LGSN: variants seen among roughly 807,000 people sequenced by gnomAD.
LGSN encodes the protein lengsin.
In LGSN, 21 loss-of-function variants were observed where a neutral mutation model predicts 19.5. The observed-to-expected ratio is 1.07, with a 90% CI of 0.76 to 1.55. The LOEUF (loss-of-function observed/expected upper bound fraction) is 1.55, where lower values mean the gene tolerates loss of function less well. Among genes scored for constraint, LGSN ranks in the 40% most tolerant of loss-of-function variants. The pLI is 0.00. For missense variants in LGSN, 673 were observed against 608.5 expected, an observed-to-expected ratio of 1.11 and a Z score of -1.12; for synonymous variants, 257 against 215.6, an observed-to-expected ratio of 1.19 and a Z score of -1.68.
the LGSN span, chr6:63,441,324 G>A: frequency 7.9e-4 from 374 of 471,610 alleles, 4 homozygotes; most frequent in East Asian, 0.02. Context: ...GGGCCGTTTG[G>A]TCAACCTCCA....
chr6:63,548,821 A>C, the LGSN span: 1 of 749,138 alleles, frequency 1.3e-6, no homozygotes, highest in Non-Finnish European at 2.4e-6. Flanking sequence ...ATCTCATTGT[A>C]TCTGTCATTG....
chr6:63,313,466 T>C (rs1200792586), intron 1 of LGSN, among the ~76,000 whole-genome samples: 1 of 152,202 alleles, frequency 6.6e-6, no homozygotes, highest in African/African-American at 2.4e-5. Context: ...ACAGAAAATA[T>C]GTCTACCAGG....
the LGSN span, among the ~76,000 whole-genome samples, chr6:63,330,577 G>A: frequency 2.0e-5 from 3 of 152,224 alleles, no homozygotes; most frequent in Admixed American, 2.0e-4. Context: ...GAGGAAGGCA[G>A]AAGGATTTTC....
the LGSN span, among the ~76,000 whole-genome samples, chr6:63,507,160 A>G: frequency 6.6e-6 from 1 of 152,174 alleles, no homozygotes; most frequent in African/African-American, 2.4e-5. Context: ...TTCTTTTCAC[A>G]ACTGTCCCTC....
chr6:63,488,116 GC>G, the LGSN span, among the ~76,000 whole-genome samples: 23 of 152,128 alleles, frequency 1.5e-4, no homozygotes, highest in Non-Finnish European at 2.1e-4. Context: ...ATATCCAGCT[GC>G]TTTTCTGACA....
chr6:63,287,301 A>G (rs1767577809), intron 2 of LGSN, among the ~76,000 whole-genome samples: 1 of 152,258 alleles, frequency 6.6e-6, no homozygotes, highest in African/African-American at 2.4e-5. Flanking sequence ...ATTTCATGCT[A>G]AATTAACCTT....
intron 1 of LGSN, among the ~76,000 whole-genome samples, chr6:63,298,428 A>G (rs1768061479): frequency 6.6e-6 from 1 of 152,224 alleles, no homozygotes; most frequent in Admixed American, 6.5e-5. Flanking sequence ...GGTTAGACAA[A>G]CTGGCAGTAA....
chr6:63,367,762 T>C, the LGSN span, among the ~76,000 whole-genome samples: 44 of 150,356 alleles, frequency 2.9e-4, no homozygotes, highest in African/African-American at 1.1e-3. Context: ...TATGCAGCCA[T>C]AAAAAAGGAT....
chr6:63,391,843 A>T, the LGSN span, among the ~76,000 whole-genome samples: 2 of 152,144 alleles, frequency 1.3e-5, no homozygotes, highest in East Asian at 1.9e-4. Context: ...GCAGAGAAAC[A>T]CTCAGCTGTC....
the LGSN span, among the ~76,000 whole-genome samples, chr6:63,365,966 A>G: frequency 1.3e-5 from 2 of 152,166 alleles, no homozygotes; most frequent in Non-Finnish European, 2.9e-5. Flanking sequence ...TTTATGACAA[A>G]CCCACAGCCA....
chr6:63,478,072 CAAAAT>C, the LGSN span, among the ~76,000 whole-genome samples: 4 of 151,726 alleles, frequency 2.6e-5, no homozygotes, highest in Admixed American at 6.6e-5. Flanking sequence ...AGGGAAAAAA[CAAAAT>C]AAAAGAAGAA....
At chr6:63,433,120 A>T in the LGSN span, among the ~76,000 whole-genome samples, 2 of 152,042 alleles carry the variant, frequency 1.3e-5, no homozygotes, top group African/African-American at 4.8e-5. Context: ...ACCCCCATGT[A>T]TAAGCCTGTC....
chr6:63,391,480 G>A, the LGSN span, among the ~76,000 whole-genome samples: 20 of 152,244 alleles, frequency 1.3e-4, no homozygotes, highest in South Asian at 1.9e-3. Flanking sequence ...CTTGTAAGTG[G>A]GTTGATTTCA....
chr6:63,427,853 A>G, the LGSN span, among the ~76,000 whole-genome samples: 1 of 152,208 alleles, frequency 6.6e-6, no homozygotes, highest in African/African-American at 2.4e-5. Context: ...AATCTAAGAT[A>G]ATCAGTTTAC....
the LGSN span, among the ~76,000 whole-genome samples, chr6:63,431,939 G>A: frequency 2.6e-5 from 4 of 151,700 alleles, no homozygotes; most frequent in Admixed American, 1.3e-4. Flanking sequence ...AGTTGGGCGT[G>A]GTGGTGGGCA....
the LGSN span, among the ~76,000 whole-genome samples, chr6:63,477,248 T>A: frequency 2.5e-3 from 376 of 152,338 alleles, 3 homozygotes; most frequent in Non-Finnish European, 1.3e-3. Context: ...AGATTTTGCT[T>A]TGTTACATGC....
At chr6:63,506,844 C>G in the LGSN span, among the ~76,000 whole-genome samples, 8 of 152,110 alleles carry the variant, frequency 5.3e-5, no homozygotes, top group Non-Finnish European at 5.9e-5. Context: ...CTGGTTTGCC[C>G]ACAAATATCT....
the LGSN span, among the ~76,000 whole-genome samples, chr6:63,410,022 G>A: frequency 2.0e-5 from 3 of 151,998 alleles, no homozygotes; most frequent in Non-Finnish European, 4.4e-5. Context: ...GGGCAAAAGA[G>A]CAAGACTCCA....
the LGSN span, among the ~76,000 whole-genome samples, chr6:63,518,259 C>A: frequency 1.3e-5 from 2 of 151,910 alleles, no homozygotes; most frequent in East Asian, 3.9e-4. Context: ...CAGAGCACAT[C>A]TTAGATTGCT....
Sources: gnomAD v4.1 joint callset for allele counts (sites outside exome capture counted in the v4.1 genomes callset) on GRCh38, gnomAD v4.1.1 for gene constraint, MANE v1.5 for transcripts, NCBI Gene and HGNC (gene_info 2026-07-23, HGNC 2026-07-21) for gene names.